The following CALN1 variants were observed in gnomAD, a reference collection of about 807,000 sequenced individuals.
The protein encoded by CALN1 is calcium-binding protein 8.
A neutral mutation model predicts 30.6 loss-of-function variants in CALN1; 17 were observed. The observed-to-expected ratio is 0.56, with a 90% CI of 0.38 to 0.83. CALN1 has a LOEUF of 0.83. Among genes scored for constraint, CALN1 ranks in the 40% least tolerant of loss-of-function variants. CALN1 has a pLI of 0.00. For missense variants in CALN1, 291 were observed against 354.9 expected (o/e 0.82, Z 1.45); for synonymous variants, 156 against 131.4 (o/e 1.19, Z -1.28).
chr7:71,808,862 C>A (rs1787772272), intron 6 of CALN1, among the ~76,000 whole-genome samples: 1 of 152,108 alleles, frequency 6.6e-6, no homozygotes. Flanking sequence ...TTGGGAAGGC[C>A]AGGTCTGCTG....
the CALN1 span, among the ~76,000 whole-genome samples, chr7:72,478,739 G>A: frequency 6.6e-6 from 1 of 151,736 alleles, no homozygotes; most frequent in Non-Finnish European, 1.5e-5. Flanking sequence ...AAATAACCGG[G>A]TACCCAAAAT....
chr7:72,292,375 C>T (rs777172095), intron 2 of CALN1, among the ~76,000 whole-genome samples: 1 of 151,000 alleles, frequency 6.6e-6, no homozygotes, highest in Non-Finnish European at 1.5e-5. Context: ...TATAAGAGGA[C>T]ATTCGTGAGG....
At chr7:71,923,508 C>A (rs760628234) in intron 5 of CALN1, among the ~76,000 whole-genome samples, 1 of 152,174 alleles carries the variant, frequency 6.6e-6, no homozygotes, top group Non-Finnish European at 1.5e-5. Flanking sequence ...AGACAGGAGT[C>A]TCACTCTATT....
At chr7:72,308,080 A>C (rs184327390) in intron 2 of CALN1, among the ~76,000 whole-genome samples, 56 of 152,212 alleles carry the variant, frequency 3.7e-4, no homozygotes, top group Admixed American at 3.2e-3. Context: ...TCCACAAACT[A>C]GGGCTGGGTG....
chr7:72,415,272 C>T (rs1209449076), upstream of CALN1, among the ~76,000 whole-genome samples: 2 of 152,240 alleles, frequency 1.3e-5, no homozygotes, highest in Non-Finnish European at 2.9e-5. Flanking sequence ...CTAATTCATA[C>T]CATTGTGTCA....
At chr7:72,405,052 C>T (rs1201586644) in intron 1 of CALN1, among the ~76,000 whole-genome samples, 2 of 152,152 alleles carry the variant, frequency 1.3e-5, no homozygotes, top group Admixed American at 6.5e-5. Flanking sequence ...CCCCAACCTC[C>T]GAGGTCTCTG....
rs191035406 is a variant in CALN1, at chr7:72,352,924, G to T, written c.119+50327C>A. Among the ~76,000 whole-genome samples, 316 of 151,982 alleles carry T rather than the reference G, an allele frequency of 2.1e-3. 1 individual carries two copies. Among genetic ancestry groups the T allele is most frequent in the African/African-American group, 6.8e-3 (282 of 41,484 alleles). On this transcript the variant is annotated intron_variant, in intron 2 of 6. Coordinates refer to ENST00000395275, the MANE Select transcript of CALN1 (RefSeq NM_031468.4). ...ATCAGGAATCAGTATAGATCCTAAC[G>T]ATATAAAAAAGAATAACAAGGGAAT...
intron 4 of CALN1, among the ~76,000 whole-genome samples, chr7:72,054,476 CATACATAT>C (rs1803087469): frequency 2.2e-5 from 2 of 89,578 alleles, no homozygotes; most frequent in African/African-American, 6.9e-5. Context: ...TACATATATA[CATACATAT>C]ATATATACAT....
At chr7:72,155,916 C>G (rs1377735146) in intron 3 of CALN1, among the ~76,000 whole-genome samples, 2 of 152,120 alleles carry the variant, frequency 1.3e-5, no homozygotes, top group African/African-American at 4.8e-5. Flanking sequence ...TCAATGCCAG[C>G]TGAATAGCAT....
chr7:71,808,553 GC>G (rs1410521188), intron 6 of CALN1, among the ~76,000 whole-genome samples: 1 of 151,996 alleles, frequency 6.6e-6, no homozygotes, highest in Non-Finnish European at 1.5e-5. Context: ...CTGTTTGGTA[GC>G]CCCTTTGTCA....
intron 3 of CALN1, among the ~76,000 whole-genome samples, chr7:72,134,152 T>C (rs1001972126): frequency 2.0e-5 from 3 of 152,160 alleles, no homozygotes; most frequent in South Asian, 2.1e-4. Context: ...GGACATGGCA[T>C]TCCTTCCCTC....
the CALN1 span, among the ~76,000 whole-genome samples, chr7:72,459,052 C>G: frequency 5.3e-5 from 8 of 150,612 alleles, no homozygotes; most frequent in Middle Eastern, 3.4e-3. Flanking sequence ...GCTGCAATTA[C>G]AGGCATGTGC....
At chr7:72,053,339 A>C (rs1584837534) in intron 4 of CALN1, among the ~76,000 whole-genome samples, 1 of 152,068 alleles carries the variant, frequency 6.6e-6, no homozygotes, top group African/African-American at 2.4e-5. Flanking sequence ...ATTCATAGAC[A>C]CTCTGAAATT....
chr7:72,163,380 CTTA>C (rs1477495169), intron 3 of CALN1, among the ~76,000 whole-genome samples: 3 of 87,110 alleles, frequency 3.4e-5, no homozygotes, highest in Non-Finnish European at 7.0e-5. Flanking sequence ...AAGAAAAAAA[CTTA>C]TTGGAGATTA....
intron 4 of CALN1, among the ~76,000 whole-genome samples, chr7:72,043,660 A>G (rs4717625): frequency 0.13 from 19,786 of 151,954 alleles, 1,638 homozygotes; most frequent in Middle Eastern, 0.2. Context: ...GGTCCCAGCC[A>G]CTCTGGAGGT....
chr7:72,241,610 G>GCA (rs1351943592), intron 3 of CALN1, among the ~76,000 whole-genome samples: 1 of 152,112 alleles, frequency 6.6e-6, no homozygotes, highest in African/African-American at 2.4e-5. Context: ...GGAGGCTGAG[G>GCA]CAGGAAAATC....
At chr7:71,914,932 T>A (rs1794611310) in intron 5 of CALN1, among the ~76,000 whole-genome samples, 1 of 152,214 alleles carries the variant, frequency 6.6e-6, no homozygotes, top group Admixed American at 6.5e-5. Flanking sequence ...TATAAGGAAC[T>A]TAAACAAGTT....
At chr7:72,449,269 C>T (rs7341517), upstream of CALN1, among the ~76,000 whole-genome samples, 1,343 of 152,282 alleles carry the variant, frequency 8.8e-3, 25 homozygotes, top group African/African-American at 0.031. Context: ...CAGATGCGGA[C>T]GGCGCACTGC....
chr7:71,865,049 A>C (rs1182216117), intron 5 of CALN1, among the ~76,000 whole-genome samples: 1 of 152,146 alleles, frequency 6.6e-6, no homozygotes, highest in Non-Finnish European at 1.5e-5. Flanking sequence ...GCAAGCAAGC[A>C]AGACAGAAAG....
Sources: allele counts gnomAD v4.1 joint callset (sites outside exome capture counted in the v4.1 genomes callset), GRCh38; gene constraint gnomAD v4.1.1; transcripts MANE v1.5; gene names NCBI Gene and HGNC (gene_info 2026-07-23, HGNC 2026-07-21).